SV2C: variants seen among roughly 807,000 people sequenced by gnomAD.
The protein encoded by SV2C is solute carrier family 22 member B3.
SV2C carries 49 observed loss-of-function variants against 79.7 expected under a neutral mutation model. The ratio of observed to expected loss-of-function variants is 0.61; its 90% CI spans 0.49 to 0.78. The LOEUF is 0.78. Ranked by LOEUF, SV2C falls within the 30% of genes least tolerant of loss-of-function variation. The pLI is 0.00. For missense variants in SV2C, 833 were observed against 912.9 expected (o/e 0.91, Z 1.13); for synonymous variants, 334 against 333.2 (o/e 1.00, Z -0.03).
At chr5:76,140,053 T>G (rs1040573011) in intron 2 of SV2C, among the ~76,000 whole-genome samples, 1 of 152,078 alleles carries the variant, frequency 6.6e-6, no homozygotes. Context: ...AGAAATGGAG[T>G]AGTTGTTTTT....
At chr5:76,032,999 G>T in the SV2C span, among the ~76,000 whole-genome samples, 5 of 152,312 alleles carry the variant, frequency 3.3e-5, no homozygotes, top group Non-Finnish European at 2.9e-5. Context: ...GATGGCCAGT[G>T]ATGGTGAGCA....
intron 2 of SV2C, among the ~76,000 whole-genome samples, chr5:76,142,039 A>G (rs1219140103): frequency 1.3e-5 from 2 of 152,122 alleles, no homozygotes; most frequent in African/African-American, 2.4e-5. Flanking sequence ...AGGGCCTTTA[A>G]ATGGCCTGAG....
At chr5:76,141,862 T>TA (rs1213610957) in intron 2 of SV2C, among the ~76,000 whole-genome samples, 1 of 149,204 alleles carries the variant, frequency 6.7e-6, no homozygotes, top group Admixed American at 6.6e-5. Context: ...TTTAAAATAT[T>TA]AAAAAATTAA....
At chr5:76,219,685 C>T (rs925341015) in intron 4 of SV2C, among the ~76,000 whole-genome samples, 6 of 152,288 alleles carry the variant, frequency 3.9e-5, no homozygotes, top group African/African-American at 1.4e-4. Flanking sequence ...AGATCGTCCC[C>T]ACAGACCCAA....
the SV2C span, among the ~76,000 whole-genome samples, chr5:76,068,511 T>C: frequency 2.3e-3 from 356 of 152,290 alleles, 3 homozygotes; most frequent in African/African-American, 6.3e-3. Context: ...TGTGTGTGCA[T>C]GTGTGTGTTT....
At chr5:76,077,686 T>C in the SV2C span, among the ~76,000 whole-genome samples, 6 of 152,302 alleles carry the variant, frequency 3.9e-5, no homozygotes, top group Non-Finnish European at 5.9e-5. Flanking sequence ...GCTGACTTCA[T>C]AAGTGGGAGC....
intron 12 of SV2C, among the ~76,000 whole-genome samples, chr5:76,339,088 G>C (rs1446321487): frequency 6.6e-6 from 1 of 152,084 alleles, no homozygotes; most frequent in East Asian, 1.9e-4. Context: ...CAAGGTTTGG[G>C]AAGACGGGTC....
At chr5:76,146,571 C>A (rs1458066729) in intron 2 of SV2C, among the ~76,000 whole-genome samples, 2 of 152,034 alleles carry the variant, frequency 1.3e-5, no homozygotes, top group Non-Finnish European at 2.9e-5. Context: ...TTTACTGCAA[C>A]CTGTTTTATC....
At chr5:76,122,971 A>G (rs1209235625) in intron 1 of SV2C, among the ~76,000 whole-genome samples, 3 of 152,196 alleles carry the variant, frequency 2.0e-5, no homozygotes, top group African/African-American at 7.2e-5. Flanking sequence ...ATAGAACGCT[A>G]GCAAGACCAA....
intron 2 of SV2C, among the ~76,000 whole-genome samples, chr5:76,160,034 TAAAA>T (rs988040857): frequency 6.6e-6 from 1 of 151,598 alleles, no homozygotes; most frequent in Non-Finnish European, 1.5e-5. Flanking sequence ...TTCAAAAACT[TAAAA>T]AAAATTGTTG....
At chr5:76,106,087 A>C (rs1410433614) in intron 1 of SV2C, among the ~76,000 whole-genome samples, 1 of 152,070 alleles carries the variant, frequency 6.6e-6, no homozygotes, top group Non-Finnish European at 1.5e-5. Context: ...AATATGCCTA[A>C]AAGCTGAACT....
chr5:76,223,444 CATATATATATAT>C (rs70979384), intron 4 of SV2C, among the ~76,000 whole-genome samples: 1,652 of 45,600 alleles, frequency 0.036, 37 homozygotes, highest in African/African-American at 0.043. Flanking sequence ...TACATACATA[CATATATATATAT>C]ATATATATAT....
chr5:76,209,717 T>A lies in SV2C; in HGVS notation c.762-19T>A. On this transcript the variant is annotated intron_variant, in intron 3 of 12. Transcript: ENST00000502798. ...CTGTCCACACCCTGATTTCATGTAT[T>A]CTCTGTACCTCTTGGCAGGATTGGA... The A allele has an allele frequency of 6.2e-7, 1 of 1,611,224 alleles. No homozygotes were observed. Among genetic ancestry groups the A allele is most frequent in the Non-Finnish European group, 8.5e-7 (1 of 1,178,296 alleles).
chr5:76,353,104 C>G (rs900064081), intron 12 of SV2C: 1 of 359,184 alleles, frequency 2.8e-6, no homozygotes, highest in Non-Finnish European at 5.5e-6. Flanking sequence ...CCATGCCCAG[C>G]TAATTTTTTA....
the SV2C span, among the ~76,000 whole-genome samples, chr5:75,914,215 C>T: frequency 6.6e-6 from 1 of 151,798 alleles, no homozygotes; most frequent in South Asian, 2.1e-4. Context: ...TAGAACTCTT[C>T]TAGAGTTCTT....
the SV2C span, among the ~76,000 whole-genome samples, chr5:75,900,684 G>C: frequency 2.0e-5 from 3 of 151,990 alleles, no homozygotes; most frequent in African/African-American, 7.2e-5. Flanking sequence ...CACTCTCCCC[G>C]TCACTTTCAC....
At chr5:75,885,167 T>C in the SV2C span, among the ~76,000 whole-genome samples, 2 of 152,098 alleles carry the variant, frequency 1.3e-5, no homozygotes, top group Admixed American at 6.6e-5. Context: ...ACTCCCCCTA[T>C]TGTCACCCTC....
the SV2C span, among the ~76,000 whole-genome samples, chr5:75,851,863 C>T: frequency 6.6e-6 from 1 of 152,156 alleles, no homozygotes; most frequent in Non-Finnish European, 1.5e-5. Flanking sequence ...CAGGGTTTCA[C>T]CGTCTTAGCC....
the SV2C span, among the ~76,000 whole-genome samples, chr5:76,052,939 T>C: frequency 6.6e-6 from 1 of 151,460 alleles, no homozygotes; most frequent in East Asian, 1.9e-4. Context: ...ATTCAAATAT[T>C]AGTCCAAGAT....
Sources: gnomAD v4.1 joint callset for allele counts (sites outside exome capture counted in the v4.1 genomes callset) on GRCh38, gnomAD v4.1.1 for gene constraint, MANE v1.5 for transcripts, NCBI Gene and HGNC (gene_info 2026-07-23, HGNC 2026-07-21) for gene names.